The following VCAN variants were observed in gnomAD, a reference collection of about 807,000 sequenced individuals.
VCAN encodes versican, also known as versican core protein.
In VCAN, 44 loss-of-function variants were observed where a neutral mutation model predicts 245.5. That is an observed-to-expected ratio of 0.18 (90% CI 0.14 to 0.23). The LOEUF (loss-of-function observed/expected upper bound fraction) is 0.23. VCAN is among the 10% of genes least tolerant of loss of function. The pLI, the probability that VCAN is intolerant of heterozygous loss-of-function variation, is 1.00. For synonymous variants in VCAN, 1,413 were observed against 1,437.0 expected, an observed-to-expected ratio of 0.98 and a Z score of 0.38; for missense variants, 3,793 against 4,057.9, an observed-to-expected ratio of 0.93 and a Z score of 1.77.
At chr5:83,580,199 A>T in intron 14 of VCAN, 37 bp downstream of exon 14, 3 of 1,613,984 alleles carry the variant, frequency 1.9e-6, no homozygotes, top group Non-Finnish European at 2.5e-6. Flanking sequence ...CTACCGTGCT[A>T]TAACAACTAC....
At chr5:83,567,808 G>T (rs1347576420) in intron 12 of VCAN, among the ~76,000 whole-genome samples, 1 of 152,120 alleles carries the variant, frequency 6.6e-6, no homozygotes, top group African/African-American at 2.4e-5. Context: ...TTCCCTAAGG[G>T]GTTAAAATGA....
intron 5 of VCAN, among the ~76,000 whole-genome samples, chr5:83,502,666 C>T (rs1178685175): frequency 6.6e-6 from 1 of 152,166 alleles, no homozygotes; most frequent in East Asian, 1.9e-4. Context: ...TGTGTAATAA[C>T]ACATTTGCAA....
intron 7 of VCAN, among the ~76,000 whole-genome samples, chr5:83,533,800 A>G (rs1390916170): frequency 6.6e-6 from 1 of 152,142 alleles, no homozygotes; most frequent in East Asian, 1.9e-4. Flanking sequence ...GGAAGTCCTT[A>G]TAGATCTATG....
At chr5:83,565,524 A>G (rs1748048405) in intron 12 of VCAN, among the ~76,000 whole-genome samples, 1 of 151,980 alleles carries the variant, frequency 6.6e-6, no homozygotes, top group Non-Finnish European at 1.5e-5. Context: ...CTTTTTATTT[A>G]TATTGTATGA....
chr5:83,474,726 A>G (rs1364461652), intron 1 of VCAN, among the ~76,000 whole-genome samples: 1 of 152,174 alleles, frequency 6.6e-6, no homozygotes, highest in South Asian at 2.1e-4. Flanking sequence ...CGGGGAAGGC[A>G]GGGCCCAGCT....
rs138181383 is a variant in VCAN, at chr5:83,572,861, TTTTATTTATTTA to T, written c.9880+332_9880+343del. ...TCCAAAGGCCAATAGACCTTTTTAT[TTTTATTTATTTA>T]TTTATTTATTTATTTATTTATTTAT... On this transcript the variant is annotated intron_variant, in intron 13 of 14. Coordinates refer to ENST00000265077, the MANE Select transcript of VCAN (RefSeq NM_004385.5). Among the ~76,000 whole-genome samples, 1,077 of 142,948 alleles carry T rather than the reference TTTTATTTATTTA, an allele frequency of 7.5e-3. 9 individuals are homozygous for T. The highest frequency in any genetic ancestry group is 0.018 in the African/African-American group (694 of 38,774). The allele number at this position is 142,948 out of a possible 152,430, so 93.8% of individuals were successfully genotyped here. A position where few individuals can be genotyped will look rare whatever the true frequency, so the allele number is the denominator to read the frequency against.
intron 12 of VCAN, among the ~76,000 whole-genome samples, chr5:83,570,185 T>G (rs1262753616): frequency 6.6e-6 from 1 of 152,054 alleles, no homozygotes; most frequent in Non-Finnish European, 1.5e-5. Flanking sequence ...AGTGGGGCCA[T>G]TTAGGCTACG....
chr5:83,504,255 A>C (rs1311903018), intron 5 of VCAN, among the ~76,000 whole-genome samples: 3 of 152,212 alleles, frequency 2.0e-5, no homozygotes, highest in Non-Finnish European at 2.9e-5. Flanking sequence ...AATTTTGGAA[A>C]ACTATGGCTT....
intron 13 of VCAN, among the ~76,000 whole-genome samples, chr5:83,575,378 A>G (rs1200703186): frequency 6.6e-6 from 1 of 152,182 alleles, no homozygotes; most frequent in Non-Finnish European, 1.5e-5. Context: ...AAACTAGCAA[A>G]TCAAGTATTT....
intron 7 of VCAN, among the ~76,000 whole-genome samples, chr5:83,526,787 T>G (rs575647906): frequency 5.9e-5 from 9 of 152,324 alleles, no homozygotes; most frequent in Admixed American, 4.6e-4. Flanking sequence ...GTCATCAAGA[T>G]AATATATAAT....
intron 12 of VCAN, among the ~76,000 whole-genome samples, chr5:83,568,194 A>G (rs548642946): frequency 3.3e-5 from 5 of 152,316 alleles, no homozygotes; most frequent in Non-Finnish European, 7.4e-5. Flanking sequence ...GAATTCAGAA[A>G]GACACAAAGG....
intron 2 of VCAN, among the ~76,000 whole-genome samples, chr5:83,483,919 G>T (rs894073869): frequency 1.3e-5 from 2 of 152,074 alleles, no homozygotes; most frequent in Admixed American, 6.5e-5. Flanking sequence ...TGCAAAAAAA[G>T]AAACACTATT....
At chr5:83,578,424 C>A (rs1225766971) in intron 13 of VCAN, among the ~76,000 whole-genome samples, 1 of 151,874 alleles carries the variant, frequency 6.6e-6, no homozygotes, top group East Asian at 1.9e-4. Context: ...GTAAAACAAA[C>A]CCCTGTGACA....
chr5:83,500,529 G>A (rs1358515005), intron 5 of VCAN, among the ~76,000 whole-genome samples: 2 of 152,180 alleles, frequency 1.3e-5, no homozygotes, highest in Non-Finnish European at 2.9e-5. Context: ...CTACTGTGTG[G>A]TGGGAGTATT....
At chr5:83,576,793 C>A (rs577015614) in intron 13 of VCAN, among the ~76,000 whole-genome samples, 2 of 152,208 alleles carry the variant, frequency 1.3e-5, no homozygotes, top group Non-Finnish European at 2.9e-5. Context: ...TCTCTTGTGA[C>A]TTAATTCACA....
intron 1 of VCAN, among the ~76,000 whole-genome samples, chr5:83,472,762 G>A (rs1298438365): frequency 1.3e-5 from 2 of 152,194 alleles, no homozygotes; most frequent in East Asian, 1.9e-4. Context: ...GGGGCCAGCA[G>A]GGAAGGAGCA....
At position 83,521,494 on chromosome 5, in the gene VCAN, T is replaced by C. The variant is rs61754532; in HGVS notation, c.3188T>C (p.Leu1063Pro). ...ACTCCCAAGGAGGCAGTAACACCAC[T>C]GGATGAACAAGAGGGCGATGGATCA... Reference protein sequence around the residue: ...AWTPKEAVTPLDEQEGDGSAY... With the variant: ...AWTPKEAVTPPDEQEGDGSAY... Residue 1063 changes from leucine (L) to proline (P), a missense_variant, in exon 7 of 15, where the codon CTG becomes CCG. Leu to Pro is a moderately conservative substitution (Grantham distance 98, BLOSUM62 -3). Coordinates refer to ENST00000265077, the MANE Select transcript of VCAN (RefSeq NM_004385.5). 2.1e-4 allele frequency: 338 copies of C among 1,613,914 alleles called. 3 individuals are homozygous for C. In the South Asian group the frequency reaches 3.6e-3, roughly 17 times the overall value.
Position 83,554,811 on chromosome 5 carries a change from T to G in VCAN, c.9653-145T>G, listed in dbSNP as rs972401999. ...TTGGGCAGAAGAACAAAAGGTAGAC[T>G]AGGAGAGATTTTTATGAGCAACTAA... On this transcript the variant is annotated intron_variant, in intron 11 of 14. Coordinates refer to ENST00000265077, the MANE Select transcript of VCAN (RefSeq NM_004385.5). 5 of 757,376 alleles carry G rather than the reference T, an allele frequency of 6.6e-6. No homozygotes were observed. The South Asian group carries it at 7.6e-5, about 11-fold the overall frequency. 46.9% of individuals were successfully genotyped at this position (757,376 alleles called of 1,614,324 possible). A position where few individuals can be genotyped will look rare whatever the true frequency, so the allele number is the denominator to read the frequency against.
At chr5:83,483,922 A>G (rs1744702576) in intron 2 of VCAN, among the ~76,000 whole-genome samples, 1 of 152,202 alleles carries the variant, frequency 6.6e-6, no homozygotes, top group Non-Finnish European at 1.5e-5. Flanking sequence ...AAAAAAAGAA[A>G]CACTATTAAA....
Sources: gnomAD v4.1 joint callset for allele counts (sites outside exome capture counted in the v4.1 genomes callset) on GRCh38, gnomAD v4.1.1 for gene constraint, MANE v1.5 for transcripts, NCBI Gene and HGNC (gene_info 2026-07-23, HGNC 2026-07-21) for gene names.